The following HS6ST2 variants were observed in gnomAD, a reference collection of about 807,000 sequenced individuals.
The protein encoded by HS6ST2 is heparan sulfate 6-O-sulfotransferase 2, also known as heparan-sulfate 6-O-sulfotransferase 2.
A neutral mutation model predicts 33.0 loss-of-function variants in HS6ST2; 17 were observed. The observed-to-expected ratio is 0.52, with a 90% CI of 0.35 to 0.77. The LOEUF is 0.77. HS6ST2 is among the 30% of genes least tolerant of loss of function. The probability of loss-of-function intolerance (pLI) is 0.01; values close to 1 mark genes in which losing one functional copy is unlikely to be tolerated. For synonymous variants in HS6ST2, 248 were observed against 237.1 expected, an observed-to-expected ratio of 1.05 and a Z score of -0.42; for missense variants, 519 against 551.7, an observed-to-expected ratio of 0.94 and a Z score of 0.59.
At chrX:132,839,295 TATATATATATATATATATATAC>T (rs56155036) in intron 2 of HS6ST2, among the ~76,000 whole-genome samples, 22,893 of 71,756 alleles carry the variant, frequency 0.32, 2,268 homozygotes, top group African/African-American at 0.4. Context: ...TATATATATA[TATATATATATATATATATATAC>T]ACACACATGT....
chrX:132,828,696 ACACACAC>A (rs2065553374), intron 2 of HS6ST2, among the ~76,000 whole-genome samples: 1 of 31,163 alleles, frequency 3.2e-5, no homozygotes, highest in African/African-American at 1.7e-4. Flanking sequence ...ATATATATAC[ACACACAC>A]ACACACACAC....
chrX:132,957,539 C>G (rs2067096912), intron 1 of HS6ST2, among the ~76,000 whole-genome samples: 1 of 109,925 alleles, frequency 9.1e-6, no homozygotes, highest in Admixed American at 9.5e-5. Context: ...CTGCGGCACA[C>G]ACACACCCCC....
intron 4 of HS6ST2, among the ~76,000 whole-genome samples, chrX:132,657,132 T>C (rs1319887212): frequency 9.0e-6 from 1 of 111,492 alleles, no homozygotes; most frequent in African/African-American, 3.3e-5. Context: ...TCCTGTTGAC[T>C]AACACAAATG....
chrX:132,637,847 TATAATA>T (rs2063565710), intron 4 of HS6ST2, among the ~76,000 whole-genome samples: 1 of 39,308 alleles, frequency 2.5e-5, no homozygotes, highest in Non-Finnish European at 3.4e-5. Flanking sequence ...ATATTTTATA[TATAATA>T]TATATATAAT....
intron 2 of HS6ST2, among the ~76,000 whole-genome samples, chrX:132,918,642 A>G (rs1039559824): frequency 2.7e-5 from 3 of 111,650 alleles, no homozygotes; most frequent in Admixed American, 9.5e-5. Context: ...ATCAGGTGGG[A>G]CATGATCTCT....
chrX:132,902,807 C>T (rs191548522), intron 2 of HS6ST2, among the ~76,000 whole-genome samples: 4 of 111,763 alleles, frequency 3.6e-5, no homozygotes, highest in African/African-American at 1.3e-4. Context: ...ACTTCCTCAA[C>T]CTGATAAAGA....
chrX:132,805,908 A>G (rs2065277664), intron 2 of HS6ST2, among the ~76,000 whole-genome samples: 1 of 110,759 alleles, frequency 9.0e-6, no homozygotes, highest in African/African-American at 3.2e-5. Context: ...GCCTTCAAAC[A>G]GGATATTGTA....
intron 3 of HS6ST2, among the ~76,000 whole-genome samples, chrX:132,705,185 ACG>A (rs1491571887): frequency 0.043 from 1,017 of 23,781 alleles, 14 homozygotes; most frequent in African/African-American, 0.1. Flanking sequence ...AGATGTGGGC[ACG>A]CGTGTGTGTG....
chrX:132,939,615 C>T (rs1179487208), intron 2 of HS6ST2, among the ~76,000 whole-genome samples: 1 of 111,011 alleles, frequency 9.0e-6, no homozygotes, highest in Admixed American at 9.7e-5. Flanking sequence ...ACAGAGACTC[C>T]GTTGCAAAAC....
chrX:132,641,737 G>A (rs765485389), intron 4 of HS6ST2, among the ~76,000 whole-genome samples: 7 of 113,252 alleles, frequency 6.2e-5, no homozygotes, highest in Non-Finnish European at 1.1e-4. Flanking sequence ...TCCAATGTGT[G>A]TGCTCTCACC....
intron 2 of HS6ST2, 76 bp downstream of exon 2, chrX:132,956,732 G>T: frequency 1.9e-6 from 2 of 1,076,222 alleles, no homozygotes; most frequent in Non-Finnish European, 2.4e-6. Context: ...CTAGGTCCCC[G>T]GCTTGGGCCA....
intron 3 of HS6ST2, among the ~76,000 whole-genome samples, chrX:132,693,911 C>T (rs887711614): frequency 4.5e-5 from 5 of 112,056 alleles, no homozygotes; most frequent in Middle Eastern, 4.6e-3. Context: ...CCATGTCACC[C>T]GTCAATACTC....
At chrX:132,701,558 G>C (rs1165258484) in intron 3 of HS6ST2, among the ~76,000 whole-genome samples, 1 of 111,821 alleles carries the variant, frequency 8.9e-6, no homozygotes, top group Non-Finnish European at 1.9e-5. Context: ...AGGGTACTTG[G>C]GATATTGGCA....
chrX:132,929,690 A>T (rs2066745582), intron 2 of HS6ST2, among the ~76,000 whole-genome samples: 1 of 111,956 alleles, frequency 8.9e-6, no homozygotes, highest in Non-Finnish European at 1.9e-5. Context: ...GTGTGTAACA[A>T]ACAACAGAAA....
chrX:132,911,308 C>A (rs2066532321), intron 2 of HS6ST2, among the ~76,000 whole-genome samples: 1 of 111,337 alleles, frequency 9.0e-6, no homozygotes, highest in African/African-American at 3.3e-5. Flanking sequence ...AAAAACTCAG[C>A]AGACAAACAA....
intron 2 of HS6ST2, among the ~76,000 whole-genome samples, chrX:132,803,889 T>C (rs1338168555): frequency 1.8e-5 from 2 of 111,683 alleles, no homozygotes; most frequent in Non-Finnish European, 3.8e-5. Flanking sequence ...GCACAATGCC[T>C]GGAACATAGG....
At chrX:132,877,452 A>G (rs1453604376) in intron 2 of HS6ST2, among the ~76,000 whole-genome samples, 1 of 111,868 alleles carries the variant, frequency 8.9e-6, no homozygotes, top group Non-Finnish European at 1.9e-5. Context: ...AAAGCTTAAA[A>G]TGAGGAAACT....
At chrX:132,892,832 A>C (rs1377089779) in intron 2 of HS6ST2, among the ~76,000 whole-genome samples, 1 of 111,211 alleles carries the variant, frequency 9.0e-6, no homozygotes, top group African/African-American at 3.3e-5. Flanking sequence ...AAGAAACCCA[A>C]ACACACAAAT....
At chrX:132,845,250 A>G (rs943418831) in intron 2 of HS6ST2, among the ~76,000 whole-genome samples, 1 of 109,863 alleles carries the variant, frequency 9.1e-6, no homozygotes, top group Admixed American at 9.8e-5. Flanking sequence ...ATATCAGGGG[A>G]TATTCTCTCA....
Sources: allele counts gnomAD v4.1 joint callset (sites outside exome capture counted in the v4.1 genomes callset), GRCh38; gene constraint gnomAD v4.1.1; transcripts MANE v1.5; gene names NCBI Gene and HGNC (gene_info 2026-07-23, HGNC 2026-07-21).